OTOF: variants seen among roughly 807,000 people sequenced by gnomAD.
OTOF encodes otoferlin.
A neutral mutation model predicts 236.8 loss-of-function variants in OTOF; 218 were observed. The observed-to-expected ratio is 0.92, with a 90% CI of 0.82 to 1.03. The LOEUF (loss-of-function observed/expected upper bound fraction) is 1.03. Ranked by LOEUF, OTOF falls within the 50% of genes least tolerant of loss-of-function variation. The pLI, the probability that OTOF is intolerant of heterozygous loss-of-function variation, is 0.00. For missense variants in OTOF, 2,590 were observed against 2,694.4 expected (o/e 0.96, Z 0.86); for synonymous variants, 1,041 against 1,072.5 (o/e 0.97, Z 0.57).
At chr2:26,472,444 T>C (rs1665032763) in intron 30 of OTOF, 75 bp downstream of exon 30, 1 of 1,579,528 alleles carries the variant, frequency 6.3e-7, no homozygotes, top group Non-Finnish European at 8.7e-7. Context: ...TCGGGGCAGA[T>C]AGTCTGGTTC....
intron 38 of OTOF, 68 bp from the exon 39 acceptor site, chr2:26,465,097 C>T (rs890124105): frequency 2.4e-5 from 33 of 1,356,264 alleles, no homozygotes; most frequent in South Asian, 1.6e-4. Context: ...GACAGCTGGT[C>T]GTGGCCAGTT....
intron 1 of OTOF, among the ~76,000 whole-genome samples, chr2:26,548,393 C>T (rs148166791): frequency 2.6e-5 from 4 of 151,918 alleles, no homozygotes; most frequent in Non-Finnish European, 4.4e-5. Context: ...TTAGTATATT[C>T]CCAAGGTTGT....
Position 26,477,779 on chromosome 2 carries a change from G to A in OTOF, c.2215-30C>T. 3 of 1,611,302 alleles carry A rather than the reference G, an allele frequency of 1.9e-6. No individual in the cohort carries two copies. The highest frequency in any genetic ancestry group is 1.6e-4 in the Middle Eastern group (1 of 6,062). On this transcript the variant is annotated intron_variant, in intron 18 of 46. Coordinates refer to ENST00000272371, the MANE Select transcript of OTOF (RefSeq NM_194248.3). The surrounding 1 kb of genome is among the most constrained non-coding windows in gnomAD (Gnocchi z 4.7). ...GAATCAGGAGTGTGGGTGATGCTGG[G>A]CCACAGCCCCGCCTCCCCAGCCTCC...
intron 1 of OTOF, among the ~76,000 whole-genome samples, chr2:26,539,526 G>T (rs4665876): frequency 6.6e-6 from 1 of 151,952 alleles, no homozygotes; most frequent in Non-Finnish European, 1.5e-5. Context: ...ACCTGAGGTC[G>T]GGAGTTCGAG....
chr2:26,497,623 GGAAATAGAAATTCCAA>G (rs1166126198), intron 8 of OTOF, among the ~76,000 whole-genome samples: 1 of 152,184 alleles, frequency 6.6e-6, no homozygotes, highest in Non-Finnish European at 1.5e-5. Flanking sequence ...ATCATGTTAA[GGAAATAGAAATTCCAA>G]TGTTAATGAG....
intron 5 of OTOF, among the ~76,000 whole-genome samples, chr2:26,511,302 G>C (rs543427346): frequency 4.3e-4 from 65 of 152,262 alleles, no homozygotes; most frequent in South Asian, 2.5e-3. Flanking sequence ...GGTGGTTGGG[G>C]GCAGTTCTAG....
At position 26,473,997 on chromosome 2, in the gene OTOF, T is replaced by G. The variant is rs765067528; in HGVS notation, c.3402A>C (p.Arg1134=). The stretch of plus-strand genomic sequence containing the variant: ...CCACACAGAGCCCTCGCACCTCCAC[T>G]CGGTACTTGCTGAGCACGGGCCGGA... The part of the protein sequence containing the change: ...MGIRPVLSKY[R]VEVLFWGLRD... The change falls in exon 27 of 47, where the codon CGA becomes CGC. Residue 1134 remains arginine (R), a synonymous_variant. Transcript: ENST00000272371. This position sits in a 1 kb window ranked among gnomAD's most constrained non-coding sequence, Gnocchi z 7.2. 2 of 1,612,864 alleles carry G rather than the reference T, an allele frequency of 1.2e-6. No homozygotes were observed. The highest frequency in any genetic ancestry group is 8.5e-7 in the Non-Finnish European group (1 of 1,179,858).
At chr2:26,458,668 C>T (rs1243666684) in intron 46 of OTOF, among the ~76,000 whole-genome samples, 1 of 152,224 alleles carries the variant, frequency 6.6e-6, no homozygotes, top group East Asian at 1.9e-4. Flanking sequence ...CCCTCACCGA[C>T]CTGCCCACTC....
Position 26,467,494 on chromosome 2 carries a change from C to T in OTOF, c.4098G>A (p.Lys1366=). ...KEEVDNTEGL[K]GSMKGKEKAR... is the part of the protein sequence containing the mutation. ...CCTTCTCCTTGCCCTTCATTGACCC[C>T]TTCAGGCCTGGCCAGAAGCAGAAAA... Residue 1366 remains lysine, a synonymous_variant, in exon 34 of 47, where the codon AAG becomes AAA. Transcript: ENST00000272371. 1 of 1,613,934 alleles carries T rather than the reference C, an allele frequency of 6.2e-7. No homozygotes were observed. Among genetic ancestry groups the T allele is most frequent in the East Asian group, 2.2e-5 (1 of 44,876 alleles).
intron 32 of OTOF, among the ~76,000 whole-genome samples, chr2:26,469,189 CTAT>C (rs1451054095): frequency 6.6e-6 from 1 of 152,054 alleles, no homozygotes; most frequent in Non-Finnish European, 1.5e-5. Context: ...AGAAAATGTA[CTAT>C]ATTTTCTTTC....
intron 2 of OTOF, among the ~76,000 whole-genome samples, chr2:26,536,646 G>T (rs1049777934): frequency 6.6e-6 from 1 of 152,126 alleles, no homozygotes; most frequent in Non-Finnish European, 1.5e-5. Context: ...TCAGCCGAAC[G>T]CCAGCAGCCA....
In OTOF at chr2:26,475,332, G is replaced by A. The variant is rs763884373; in HGVS notation, c.3126+27C>T. ...AAGGGCCAGGTGTGGTGCTGCTGGG[G>A]TCCCTGGCACCAGAGCCCACCCATA... is the stretch of plus-strand genomic sequence containing the variant. On this transcript the variant is annotated intron_variant, in intron 25 of 46. Coordinates refer to ENST00000272371, the MANE Select transcript of OTOF (RefSeq NM_194248.3). The A allele has an allele frequency of 3.7e-6, 6 of 1,611,994 alleles. No homozygotes were observed. In the Admixed American group the frequency reaches 5.0e-5, roughly 13 times the overall value.
At chr2:26,545,582 T>C (rs1468304151) in intron 1 of OTOF, among the ~76,000 whole-genome samples, 2 of 152,184 alleles carry the variant, frequency 1.3e-5, no homozygotes, top group African/African-American at 4.8e-5. Context: ...TTATTTCTTA[T>C]GTTTAGTCTT....
At chr2:26,522,923 C>T (rs181174321) in intron 3 of OTOF, among the ~76,000 whole-genome samples, 2 of 152,364 alleles carry the variant, frequency 1.3e-5, no homozygotes, top group East Asian at 3.9e-4. Context: ...TCTGGCCCCA[C>T]GAGGGGCTGG....
At chr2:26,475,224 C>T in intron 25 of OTOF, 135 bp downstream of exon 25, 2 of 1,027,292 alleles carry the variant, frequency 1.9e-6, no homozygotes, top group East Asian at 2.5e-5. Context: ...TCCCAGCTTC[C>T]CAGCCAGCAC....
At position 26,462,392 on chromosome 2, in the gene OTOF, G is replaced by A. The variant is rs56340453; in HGVS notation, c.5193-211C>T. On this transcript the variant is annotated intron_variant, in intron 41 of 46. Transcript: ENST00000272371. This position sits in a 1 kb window ranked among gnomAD's most constrained non-coding sequence, Gnocchi z 4.7. ...CAGGCACATGGCTGTGGGCGGTGGG[G>A]GTGGGGTGAGGGGAGGAAGCCACCC... Among the ~76,000 whole-genome samples the A allele has an allele frequency of 1.8e-3, 278 of 152,250 alleles. 1 individual carries two copies. Among genetic ancestry groups the A allele is most frequent in the South Asian group, 0.018 (86 of 4,822 alleles).
chr2:26,475,246 G>T (rs1665194463), intron 25 of OTOF, 113 bp downstream of exon 25: 3 of 1,217,758 alleles, frequency 2.5e-6, no homozygotes, highest in Non-Finnish European at 3.6e-6. Flanking sequence ...TGGCCAAGGA[G>T]CTCTGCAGGT....
rs757071342 is a variant in OTOF at position 26,489,711 on chromosome 2, C to T, written c.927G>A (p.Pro309=). 9.9e-6 allele frequency: 16 copies of T among 1,612,988 alleles called. No individual in the cohort carries two copies. Among genetic ancestry groups the T allele is most frequent in the Middle Eastern group, 3.3e-4 (2 of 6,062 alleles). ...EYFVFDFHVS[P]DVMFDKIIKI... Reference sequence around the variant, plus strand: ...TGATGATCTTGTCAAACATGACATCCGGAGAGACATGGAAGTCGAAGACGA... The same window carrying T: ...TGATGATCTTGTCAAACATGACATCTGGAGAGACATGGAAGTCGAAGACGA... Residue 309 remains proline (P), a synonymous_variant, in exon 10 of 47, where the codon CCG becomes CCA. Coordinates refer to ENST00000272371, the MANE Select transcript of OTOF (RefSeq NM_194248.3).
intron 1 of OTOF, among the ~76,000 whole-genome samples, chr2:26,544,936 G>C (rs1667294632): frequency 6.6e-6 from 1 of 151,850 alleles, no homozygotes; most frequent in Admixed American, 6.6e-5. Flanking sequence ...AGCTACTCGG[G>C]AGGCTGAAGC....
Sources: allele counts gnomAD v4.1 joint callset (sites outside exome capture counted in the v4.1 genomes callset), GRCh38; gene constraint gnomAD v4.1.1; non-coding constraint Gnocchi (gnomAD v3.1); transcripts MANE v1.5; gene names NCBI Gene and HGNC (gene_info 2026-07-23, HGNC 2026-07-21).